Variants in AVEN observed in about 807,000 individuals in gnomAD.
AVEN encodes apoptosis and caspase activation inhibitor.
AVEN carries 41 observed loss-of-function variants against 38.1 expected under a neutral mutation model. That is an observed-to-expected ratio of 1.08 (90% CI 0.84 to 1.40). AVEN has a LOEUF of 1.40. AVEN is among the 40% of genes most tolerant of loss of function. The pLI is 0.00. For synonymous variants in AVEN, 206 were observed against 171.8 expected (o/e 1.20, Z -1.56); for missense variants, 605 against 438.8 (o/e 1.38, Z -3.38).
chr15:34,008,331 G>C (rs1166050181), intron 1 of AVEN, among the ~76,000 whole-genome samples: 1 of 151,788 alleles, frequency 6.6e-6, no homozygotes, highest in Non-Finnish European at 1.5e-5. Context: ...TGAGGTGATA[G>C]GATCAGCTGA....
chr15:33,926,729 A>G (rs983706722), intron 2 of AVEN, among the ~76,000 whole-genome samples: 2 of 152,124 alleles, frequency 1.3e-5, no homozygotes, highest in African/African-American at 4.8e-5. Flanking sequence ...ATCTCAGCTC[A>G]CTGAAACCTC....
At chr15:33,918,808 T>A (rs2153047304) in intron 2 of AVEN, among the ~76,000 whole-genome samples, 1 of 152,228 alleles carries the variant, frequency 6.6e-6, no homozygotes, top group South Asian at 2.1e-4. Context: ...TTGTCTTAAT[T>A]GACTAAACAG....
chr15:33,854,000 T>G (rs180761416), downstream of AVEN, among the ~76,000 whole-genome samples: 260 of 152,224 alleles, frequency 1.7e-3, 1 homozygote, highest in African/African-American at 5.8e-3. Context: ...GATACCAGCC[T>G]GGCCAACATA....
chr15:33,904,107 G>A (rs1181909478), intron 2 of AVEN, among the ~76,000 whole-genome samples: 2 of 152,206 alleles, frequency 1.3e-5, no homozygotes, highest in Non-Finnish European at 2.9e-5. Context: ...GTGCATGACT[G>A]TATATGCATA....
At chr15:33,951,561 T>TAAAA (rs77164036) in intron 2 of AVEN, among the ~76,000 whole-genome samples, 1 of 94,200 alleles carries the variant, frequency 1.1e-5, no homozygotes, top group African/African-American at 3.7e-5. Context: ...TAAAGTATAA[T>TAAAA]AAAAAAAAAA....
chr15:34,052,289 AT>A (rs1324587305), intron 5 of AVEN, among the ~76,000 whole-genome samples: 1 of 152,226 alleles, frequency 6.6e-6, no homozygotes, highest in Non-Finnish European at 1.5e-5. Flanking sequence ...CTTTGAAAAA[AT>A]TTAAATCCCT....
chr15:33,862,615 GTTTTGTTT>G (rs1888725812), downstream of AVEN, among the ~76,000 whole-genome samples: 2 of 152,110 alleles, frequency 1.3e-5, no homozygotes, highest in Admixed American at 6.6e-5. Flanking sequence ...AAAAACATGA[GTTTTGTTT>G]TTTTATTTAT....
intron 11 of AVEN, chr15:33,859,843 TTAATTTAGCAAGAAC>T (rs150570118): frequency 4.4e-5 from 53 of 1,200,042 alleles, no homozygotes; most frequent in East Asian, 2.1e-4. Flanking sequence ...CATTTACTTG[TTAATTTAGCAAGAAC>T]TAATTTAGCA....
intron 2 of AVEN, among the ~76,000 whole-genome samples, chr15:34,069,769 T>C (rs914606829): frequency 9.2e-5 from 14 of 152,256 alleles, no homozygotes; most frequent in African/African-American, 3.4e-4. Flanking sequence ...AGTGTGGTTA[T>C]ATTGTTCATT....
chr15:33,867,042 C>G (rs1399293226), intron 5 of AVEN, among the ~76,000 whole-genome samples: 1 of 152,094 alleles, frequency 6.6e-6, no homozygotes, highest in Admixed American at 6.5e-5. Flanking sequence ...GTGGCAATCA[C>G]CTTAGGCCCC....
intron 5 of AVEN, among the ~76,000 whole-genome samples, chr15:34,053,378 C>T (rs1051594372): frequency 6.7e-5 from 9 of 135,284 alleles, no homozygotes; most frequent in South Asian, 2.3e-4. Flanking sequence ...CAAGATAATC[C>T]GAAGGAAAAA....
chr15:34,003,197 T>C lies in AVEN; in HGVS notation c.280A>G (p.Ser94Gly), dbSNP rs1897207025. 1.2e-6 allele frequency: 2 copies of C among 1,613,338 alleles called. No individual in the cohort carries two copies. Among genetic ancestry groups the C allele is most frequent in the South Asian group, 1.1e-5 (1 of 91,026 alleles). ...AGASAPVEDD[S>G]DAETYGEEND... ...TCTTCTCCATAGGTCTCTGCATCGC[T>C]GTCATCTTCAACCTGCAATCATTAG... is the stretch of plus-strand genomic sequence containing the variant. Residue 94 changes from serine to glycine, a missense_variant, in exon 2 of 6, where the codon AGC becomes GGC. Coordinates refer to ENST00000306730, the MANE Select transcript of AVEN (RefSeq NM_020371.3).
At chr15:33,900,589 G>A (rs973647748) in intron 2 of AVEN, among the ~76,000 whole-genome samples, 1 of 150,846 alleles carries the variant, frequency 6.6e-6, no homozygotes, top group Non-Finnish European at 1.5e-5. Context: ...TTATAGGTGT[G>A]AGCCACCATG....
chr15:33,889,095 T>C (rs1208559813), intron 2 of AVEN, among the ~76,000 whole-genome samples: 1 of 152,228 alleles, frequency 6.6e-6, no homozygotes, highest in African/African-American at 2.4e-5. Context: ...TATTTTAATT[T>C]GTATATACTT....
At chr15:33,968,512 G>A (rs1379775218) in intron 2 of AVEN, among the ~76,000 whole-genome samples, 2 of 151,998 alleles carry the variant, frequency 1.3e-5, no homozygotes, top group African/African-American at 4.8e-5. Context: ...TGCCAAGTAC[G>A]CTCACCGTCC....
At chr15:33,944,154 G>C (rs1894421990) in intron 2 of AVEN, among the ~76,000 whole-genome samples, 1 of 152,154 alleles carries the variant, frequency 6.6e-6, no homozygotes, top group Non-Finnish European at 1.5e-5. Context: ...TTGCCCAGAA[G>C]ACCCACACGA....
chr15:33,871,286 G>C (rs761799586), intron 3 of AVEN, among the ~76,000 whole-genome samples: 2 of 152,112 alleles, frequency 1.3e-5, no homozygotes, highest in African/African-American at 2.4e-5. Flanking sequence ...GACTGTCCAG[G>C]CTGGGCGCAG....
At chr15:33,991,742 G>A (rs942045107) in intron 2 of AVEN, 6 of 152,140 alleles carry the variant, frequency 3.9e-5, no homozygotes, top group Non-Finnish European at 7.4e-5. Flanking sequence ...GCCAGCAATT[G>A]TAACCTATGA....
rs145732165 is a variant in AVEN, at chr15:34,063,519, C to A, written n.1127-87G>T. 20 of 1,613,652 alleles carry A rather than the reference C, an allele frequency of 1.2e-5. No individual in the cohort carries two copies. In the East Asian group the frequency reaches 3.1e-4, roughly 25 times the overall value. Reference sequence around the variant, plus strand: ...CACCCTGGCCCAGCGGGAAAGGAACCAGGCCTCCTGGTCATCCTCCCGCAG... The same window carrying A: ...CACCCTGGCCCAGCGGGAAAGGAACAAGGCCTCCTGGTCATCCTCCCGCAG... On this transcript the variant is annotated intron_variant and non_coding_transcript_variant, in intron 4 of 11. Transcript: ENST00000675287. This position sits in a 1 kb window ranked among gnomAD's most constrained non-coding sequence, Gnocchi z 4.1.
Sources: gnomAD v4.1 joint callset for allele counts (sites outside exome capture counted in the v4.1 genomes callset) on GRCh38, gnomAD v4.1.1 for gene constraint, Gnocchi (gnomAD v3.1) non-coding constraint, MANE v1.5 for transcripts, NCBI Gene and HGNC (gene_info 2026-07-23, HGNC 2026-07-21) for gene names.